The following CT45A1 variants were observed in gnomAD, a reference collection of about 807,000 sequenced individuals.
CT45A1 encodes the protein cancer/testis antigen 45-1.
chrX:135,717,340 G>T (rs1481412933), intron 1 of CT45A1, among the ~76,000 whole-genome samples: 1 of 111,730 alleles, frequency 9.0e-6, no homozygotes, highest in Non-Finnish European at 1.9e-5. Flanking sequence ...CTTGCAGCCA[G>T]GAGTTTGAGA....
At chrX:135,712,560 G>A (rs1444583540), upstream of CT45A1, among the ~76,000 whole-genome samples, 3 of 109,847 alleles carry the variant, frequency 2.7e-5, no homozygotes, top group East Asian at 2.8e-4. Context: ...ACAGAGTCTC[G>A]CTCTGTTACC....
At chrX:135,714,976 T>C (rs2148033062) in intron 1 of CT45A1, among the ~76,000 whole-genome samples, 1 of 107,859 alleles carries the variant, frequency 9.3e-6, no homozygotes, top group African/African-American at 3.3e-5. Flanking sequence ...TTTCCATATA[T>C]TCTGTATTTG....
upstream of CT45A1, among the ~76,000 whole-genome samples, chrX:135,709,272 T>C (rs1453389885): frequency 1.8e-5 from 2 of 111,601 alleles, no homozygotes; most frequent in African/African-American, 3.3e-5. Flanking sequence ...ACTATAGGCA[T>C]GCACTGTTAC....
chrX:135,708,464 G>C, the CT45A1 span, among the ~76,000 whole-genome samples: 2 of 110,317 alleles, frequency 1.8e-5, no homozygotes, highest in Non-Finnish European at 3.8e-5. Context: ...TGTCTTTCTG[G>C]GGTGCTCTGC....
intron 1 of CT45A1, among the ~76,000 whole-genome samples, chrX:135,714,081 C>A (rs1556570485): frequency 2.8e-5 from 3 of 108,162 alleles, no homozygotes; most frequent in African/African-American, 1.0e-4. Context: ...AGCGGGGGCT[C>A]TGCCTTGGGG....
At chrX:135,719,694 A>ATC (rs1298473858) in intron 2 of CT45A1, among the ~76,000 whole-genome samples, 18 of 95,005 alleles carry the variant, frequency 1.9e-4, no homozygotes, top group African/African-American at 6.1e-4. Flanking sequence ...GAACCCCAGC[A>ATC]TCTCTCTCTC....
upstream of CT45A1, among the ~76,000 whole-genome samples, chrX:135,709,114 G>A (rs868933167): frequency 4.5e-5 from 5 of 112,080 alleles, no homozygotes; most frequent in East Asian, 2.8e-4. Context: ...GGGATGTCAC[G>A]GTTGCTGACG....
At chrX:135,718,438 G>A (rs1556572481) in intron 1 of CT45A1, among the ~76,000 whole-genome samples, 2 of 110,115 alleles carry the variant, frequency 1.8e-5, no homozygotes, top group African/African-American at 3.3e-5. Flanking sequence ...TCTAATAAGA[G>A]TTCCTAATAA....
upstream of CT45A1, among the ~76,000 whole-genome samples, chrX:135,708,738 A>G (rs6654296): frequency 3.0e-4 from 33 of 111,744 alleles, no homozygotes; most frequent in African/African-American, 1.0e-3. Context: ...CACCATCTTG[A>G]CATGCCAGAC....
chrX:135,712,999 C>CCTTCCTTCCTCTG (rs2087946878), upstream of CT45A1, among the ~76,000 whole-genome samples: 1 of 1,522 alleles, frequency 6.6e-4, no homozygotes, highest in Non-Finnish European at 1.4e-3. Flanking sequence ...CTTCCTTCCT[C>CCTTCCTTCCTCTG]TCTCTCTCTC....
upstream of CT45A1, among the ~76,000 whole-genome samples, chrX:135,713,215 T>TG (rs2148031932): frequency 1.0e-5 from 1 of 95,836 alleles, no homozygotes; most frequent in African/African-American, 3.9e-5. Flanking sequence ...TTTTTGTGTG[T>TG]GTTTTTTTTT....
chrX:135,717,801 A>C (rs1235315833), intron 1 of CT45A1, among the ~76,000 whole-genome samples: 6 of 111,720 alleles, frequency 5.4e-5, no homozygotes, highest in Admixed American at 9.6e-5. Flanking sequence ...AAGTTGACTA[A>C]ATTTGCTTAT....
intron 1 of CT45A1, among the ~76,000 whole-genome samples, chrX:135,715,583 T>C (rs1211972900): frequency 1.1e-5 from 1 of 90,415 alleles, no homozygotes. Flanking sequence ...ATATAATACT[T>C]ATAGGTATAT....
intron 1 of CT45A1, among the ~76,000 whole-genome samples, chrX:135,714,083 G>T (rs2087958231): frequency 9.2e-6 from 1 of 108,321 alleles, no homozygotes; most frequent in Admixed American, 9.9e-5. Context: ...CGGGGGCTCT[G>T]CCTTGGGGAC....
chrX:135,710,317 C>T (rs1343068746), upstream of CT45A1: 1 of 111,998 alleles, frequency 8.9e-6, no homozygotes, highest in Non-Finnish European at 1.9e-5. Context: ...GAATGAATAA[C>T]CCTAGGAACT....
intron 1 of CT45A1, among the ~76,000 whole-genome samples, chrX:135,713,923 G>A (rs1376674878): frequency 3.8e-5 from 4 of 106,655 alleles, no homozygotes; most frequent in East Asian, 6.0e-4. Flanking sequence ...TTGTGAGGCC[G>A]GGGGGCTTTT....
intron 1 of CT45A1, among the ~76,000 whole-genome samples, chrX:135,716,652 A>G (rs1388569949): frequency 9.0e-6 from 1 of 111,533 alleles, no homozygotes; most frequent in Non-Finnish European, 1.9e-5. Context: ...GAGGAACAGA[A>G]CTTTTCCATT....
chrX:135,716,438 T>C (rs1472360781), intron 1 of CT45A1, among the ~76,000 whole-genome samples: 1 of 111,565 alleles, frequency 9.0e-6, no homozygotes, highest in Non-Finnish European at 1.9e-5. Context: ...ATTCAGCTTT[T>C]CCCCCCAAAT....
In CT45A1 at chrX:135,718,262, T is replaced by C. The variant is rs148444751; in HGVS notation, c.-6-673T>C. Among the ~76,000 whole-genome samples, 14 of 111,662 alleles carry C rather than the reference T, an allele frequency of 1.3e-4. No homozygotes were observed. The East Asian group carries it at 3.9e-3, about 31-fold the overall frequency. Reference sequence around the variant, plus strand: ...CTTTCTGCAATATACTCCACCATGATGTATGTCCTTTTTAAGTACTATTGC... The same window carrying C: ...CTTTCTGCAATATACTCCACCATGACGTATGTCCTTTTTAAGTACTATTGC... On this transcript the variant is annotated intron_variant, in intron 1 of 4. Coordinates refer to ENST00000594565, the MANE Select transcript of CT45A1 (RefSeq NM_001017417.3).
Sources: gnomAD v4.1 joint callset for allele counts (sites outside exome capture counted in the v4.1 genomes callset) on GRCh38, gnomAD v4.1.1 for gene constraint, MANE v1.5 for transcripts, NCBI Gene and HGNC (gene_info 2026-07-23, HGNC 2026-07-21) for gene names.